Variants in PCDH9 observed in about 807,000 individuals in gnomAD.
PCDH9 encodes protocadherin 9, also known as protocadherin-9.
In PCDH9, 24 loss-of-function variants were observed where a neutral mutation model predicts 70.6. The ratio of observed to expected loss-of-function variants is 0.34; its 90% CI spans 0.25 to 0.48. PCDH9 has a LOEUF of 0.48. Among genes scored for constraint, PCDH9 ranks in the 20% least tolerant of loss-of-function variants. PCDH9 has a pLI of 0.99. For synonymous variants in PCDH9, 562 were observed against 558.5 expected, an observed-to-expected ratio of 1.01 and a Z score of -0.09; for missense variants, 1,281 against 1,503.6, an observed-to-expected ratio of 0.85 and a Z score of 2.45.
At chr13:66,544,969 C>T (rs1205572770) in intron 4 of PCDH9, among the ~76,000 whole-genome samples, 1 of 152,140 alleles carries the variant, frequency 6.6e-6, no homozygotes, top group Non-Finnish European at 1.5e-5. Context: ...AAAGGGCAAG[C>T]TCATTTTTAT....
intron 4 of PCDH9, among the ~76,000 whole-genome samples, chr13:66,377,534 G>A (rs754391403): frequency 1.3e-5 from 2 of 152,088 alleles, no homozygotes; most frequent in Non-Finnish European, 2.9e-5. Context: ...CATGCAAAAA[G>A]CAAAGTGTAT....
At chr13:66,955,538 T>C (rs1325216436) in intron 2 of PCDH9, among the ~76,000 whole-genome samples, 1 of 152,178 alleles carries the variant, frequency 6.6e-6, no homozygotes, top group Non-Finnish European at 1.5e-5. Flanking sequence ...AAGGATTCTT[T>C]CATGTTATGA....
At chr13:66,883,876 G>T (rs1246481872) in intron 3 of PCDH9, among the ~76,000 whole-genome samples, 2 of 142,536 alleles carry the variant, frequency 1.4e-5, no homozygotes, top group African/African-American at 5.3e-5. Context: ...GTTGTCTGTT[G>T]TTCCCTTCAT....
intron 4 of PCDH9, among the ~76,000 whole-genome samples, chr13:66,598,652 C>T (rs1269097394): frequency 1.3e-5 from 2 of 151,796 alleles, no homozygotes; most frequent in South Asian, 2.1e-4. Context: ...ATAGCAACTA[C>T]TGGCTTAATG....
chr13:66,341,165 C>T (rs987325238), intron 4 of PCDH9, among the ~76,000 whole-genome samples: 9 of 152,030 alleles, frequency 5.9e-5, no homozygotes, highest in East Asian at 1.9e-4. Context: ...ACTCATGACT[C>T]ACTGAAGCCT....
At chr13:66,568,245 A>T (rs2076680440) in intron 4 of PCDH9, among the ~76,000 whole-genome samples, 1 of 152,120 alleles carries the variant, frequency 6.6e-6, no homozygotes, top group African/African-American at 2.4e-5. Flanking sequence ...GGAAGAGGGC[A>T]CTTGCTGGGA....
chr13:66,928,121 G>C (rs551570475), intron 2 of PCDH9, among the ~76,000 whole-genome samples: 1 of 152,056 alleles, frequency 6.6e-6, no homozygotes, highest in Non-Finnish European at 1.5e-5. Context: ...TGGGTGTCAC[G>C]AGCCATGGGT....
At chr13:66,656,191 C>T (rs554803987) in intron 3 of PCDH9, among the ~76,000 whole-genome samples, 1 of 151,518 alleles carries the variant, frequency 6.6e-6, no homozygotes, top group Non-Finnish European at 1.5e-5. Context: ...CTTGGCTGAG[C>T]CTGTTACTGA....
chr13:66,688,084 C>T (rs1036955965), intron 3 of PCDH9, among the ~76,000 whole-genome samples: 10 of 152,086 alleles, frequency 6.6e-5, no homozygotes, highest in Non-Finnish European at 1.2e-4. Flanking sequence ...GCGGGCTTTT[C>T]TAACACTTCC....
At chr13:66,923,593 T>C (rs746157221) in intron 2 of PCDH9, among the ~76,000 whole-genome samples, 9 of 151,696 alleles carry the variant, frequency 5.9e-5, no homozygotes, top group Non-Finnish European at 1.2e-4. Context: ...TTATTTTTGT[T>C]CTTTATAACT....
chr13:66,518,077 A>G (rs1959823169), intron 4 of PCDH9, among the ~76,000 whole-genome samples: 1 of 152,122 alleles, frequency 6.6e-6, no homozygotes, highest in South Asian at 2.1e-4. Flanking sequence ...TACAAGAAGC[A>G]TGGCTCCAAC....
At chr13:66,394,551 G>A (rs1408144969) in intron 4 of PCDH9, among the ~76,000 whole-genome samples, 1 of 152,088 alleles carries the variant, frequency 6.6e-6, no homozygotes, top group Admixed American at 6.6e-5. Context: ...TTATTTATGG[G>A]TGATATAGGC....
intron 2 of PCDH9, among the ~76,000 whole-genome samples, chr13:67,077,863 AT>A (rs1447401173): frequency 6.6e-6 from 1 of 152,146 alleles, no homozygotes; most frequent in Non-Finnish European, 1.5e-5. Context: ...TTAAAAAAAA[AT>A]TCACATGTAT....
At chr13:66,934,774 G>A (rs1197374730) in intron 2 of PCDH9, among the ~76,000 whole-genome samples, 2 of 109,698 alleles carry the variant, frequency 1.8e-5, no homozygotes, top group East Asian at 3.1e-4. Context: ...AGGCTGGAGT[G>A]CAGTGGCGCG....
At chr13:67,111,349 T>G (rs2086655547) in intron 2 of PCDH9, among the ~76,000 whole-genome samples, 2 of 152,136 alleles carry the variant, frequency 1.3e-5, no homozygotes, top group African/African-American at 4.8e-5. Context: ...TTTAGCCAAG[T>G]GATCCTTCAA....
intron 4 of PCDH9, among the ~76,000 whole-genome samples, chr13:66,480,683 C>T (rs547436406): frequency 6.6e-6 from 1 of 152,160 alleles, no homozygotes; most frequent in South Asian, 2.1e-4. Context: ...AAGATGTGGA[C>T]AAATAGGAAC....
At chr13:66,871,131 C>T (rs1049398392) in intron 3 of PCDH9, among the ~76,000 whole-genome samples, 22 of 151,452 alleles carry the variant, frequency 1.5e-4, no homozygotes, top group Admixed American at 5.3e-4. Context: ...AGTAAACTAT[C>T]GCAAGAACAA....
intron 3 of PCDH9, among the ~76,000 whole-genome samples, chr13:66,796,502 T>C (rs1203319193): frequency 1.3e-5 from 2 of 152,186 alleles, no homozygotes; most frequent in East Asian, 3.8e-4. Context: ...CTTCTCTGGT[T>C]TGAAAAATTA....
chr13:66,680,540 AT>A (rs1363006480), intron 3 of PCDH9, among the ~76,000 whole-genome samples: 1 of 151,866 alleles, frequency 6.6e-6, no homozygotes, highest in Non-Finnish European at 1.5e-5. Context: ...GGAGTTTGCT[AT>A]TTCACAAAGT....
Sources: gnomAD v4.1 joint callset for allele counts (sites outside exome capture counted in the v4.1 genomes callset) on GRCh38, gnomAD v4.1.1 for gene constraint, MANE v1.5 for transcripts, NCBI Gene and HGNC (gene_info 2026-07-23, HGNC 2026-07-21) for gene names.